MYO18A: variants seen among roughly 807,000 people sequenced by gnomAD.
MYO18A encodes the protein myosin XVIIIA.
MYO18A carries 78 observed loss-of-function variants against 235.8 expected under a neutral mutation model. The ratio of observed to expected loss-of-function variants is 0.33; its 90% CI spans 0.28 to 0.40. MYO18A has a LOEUF of 0.40. MYO18A is among the 10% of genes least tolerant of loss of function. The pLI is 1.00. For missense variants in MYO18A, 2,215 were observed against 2,699.3 expected, an observed-to-expected ratio of 0.82 and a Z score of 3.98; for synonymous variants, 977 against 1,077.8, an observed-to-expected ratio of 0.91 and a Z score of 1.83.
At chr17:29,163,826 C>T (rs2068223991) in intron 2 of MYO18A, among the ~76,000 whole-genome samples, 1 of 152,234 alleles carries the variant, frequency 6.6e-6, no homozygotes, top group Non-Finnish European at 1.5e-5. Flanking sequence ...AAGAAAATTC[C>T]ATCTGTTAAA....
chr17:29,120,535 C>T lies in MYO18A; in HGVS notation c.1728+81G>A. 6.6e-7 allele frequency: 1 copy of T among 1,510,954 alleles called. No individual in the cohort carries two copies. Among genetic ancestry groups the T allele is most frequent in the Non-Finnish European group, 8.9e-7 (1 of 1,120,202 alleles). The allele number at this position is 1,510,954 out of a possible 1,614,324, so 93.6% of individuals were successfully genotyped here. On this transcript the variant is annotated intron_variant, in intron 7 of 41. Transcript: ENST00000527372. This position sits in a 1 kb window ranked among gnomAD's most constrained non-coding sequence, Gnocchi z 4.2. ...AGGGTAGAATCCCAGGAAAATGAGG[C>T]ATGGGAGAGAGCCTGATGTCTAGGT...
chr17:29,111,847 C>G lies in MYO18A; in HGVS notation c.2615G>C (p.Arg872Pro). Residue 872 changes from arginine (R) to proline (P), a missense_variant, in exon 16 of 42, where the codon CGC (arginine) becomes CCC (proline). Transcript: ENST00000527372. The surrounding 1 kb of genome is among the most constrained non-coding windows in gnomAD (Gnocchi z 5.1). ...GAGCAGGCCCCTCGCCTCGTCTGTG[C>G]GGGCCAGCGAGCGGACCTACAGAGA... ...SHQSLVRSLA[R>P]TDEARGLLWL... 6.2e-7 allele frequency: 1 copy of G among 1,612,120 alleles called. No individual in the cohort carries two copies. The highest frequency in any genetic ancestry group is 8.5e-7 in the Non-Finnish European group (1 of 1,179,048).
chr17:29,167,453 TG>T (rs1169538602), intron 1 of MYO18A, among the ~76,000 whole-genome samples: 1 of 152,180 alleles, frequency 6.6e-6, no homozygotes. Context: ...GGCTCATGCC[TG>T]TAATCATAGC....
At chr17:29,108,406 G>A (rs543678274) in intron 19 of MYO18A, among the ~76,000 whole-genome samples, 2 of 152,292 alleles carry the variant, frequency 1.3e-5, no homozygotes, top group Admixed American at 6.5e-5. Flanking sequence ...AGCCCAGGGT[G>A]GAGGGCCACG....
chr17:29,116,481 GCATGCAAAGAAAAA>G (rs754943391), intron 10 of MYO18A, 26 bp from the exon 11 acceptor site: 37 of 1,613,846 alleles, frequency 2.3e-5, no homozygotes, highest in African/African-American at 1.3e-5. Flanking sequence ...CCAGCATGCA[GCATGCAAAGAAAAA>G]CAGTGTGTTA....
At position 29,085,512 on chromosome 17, in the gene MYO18A, C is replaced by T; in HGVS notation, c.5897+92G>A. 6.2e-6 allele frequency: 7 copies of T among 1,130,874 alleles called. No homozygotes were observed. The South Asian group carries it at 6.5e-5, about 10-fold the overall frequency. 70.1% of individuals were successfully genotyped at this position (1,130,874 alleles called of 1,614,324 possible). On this transcript the variant is annotated intron_variant, in intron 40 of 41. Transcript: ENST00000527372. ...AGTGTGGGGAGGCTGTATCCACATG[C>T]TGCGTGCAGCGGCCCCAGGGTGGGA...
intron 1 of MYO18A, among the ~76,000 whole-genome samples, chr17:29,167,925 C>T (rs926061731): frequency 1.3e-5 from 2 of 152,302 alleles, no homozygotes; most frequent in African/African-American, 4.8e-5. Flanking sequence ...ATGCCAGGCA[C>T]TTTACATGCA....
At chr17:29,116,052 G>A (rs1462244965) in intron 11 of MYO18A, among the ~76,000 whole-genome samples, 1 of 152,212 alleles carries the variant, frequency 6.6e-6, no homozygotes, top group Non-Finnish European at 1.5e-5. Flanking sequence ...CCTAAAGGAG[G>A]AGGTAACTCC....
chr17:29,121,341 C>A lies in MYO18A; in HGVS notation c.1372-130G>T. ...GTGCCCAGGGATTCCAAGGCCAAGG[C>A]CATGCATGGAAATGAAGACACTAAG... On this transcript the variant is annotated intron_variant, in intron 5 of 41. Coordinates refer to ENST00000527372, the MANE Select transcript of MYO18A (RefSeq NM_078471.4). The surrounding 1 kb of genome is among the most constrained non-coding windows in gnomAD (Gnocchi z 4.2). The A allele has an allele frequency of 8.6e-7, 1 of 1,158,738 alleles. No homozygotes were observed. The allele number at this position is 1,158,738 out of a possible 1,614,324, so 71.8% of individuals were successfully genotyped here.
chr17:29,168,439 C>T (rs1438485976), intron 1 of MYO18A, among the ~76,000 whole-genome samples: 2 of 150,732 alleles, frequency 1.3e-5, no homozygotes, highest in East Asian at 1.9e-4. Flanking sequence ...AAGAAATAGG[C>T]CATGCCACCT....
chr17:29,089,418 T>G (rs1409943634), intron 37 of MYO18A, among the ~76,000 whole-genome samples: 1 of 5,438 alleles, frequency 1.8e-4, no homozygotes, highest in Non-Finnish European at 3.0e-4. Flanking sequence ...AGACTCTGTC[T>G]CAAAAAAAAA....
chr17:29,073,529 A>C lies in MYO18A; in HGVS notation c.*1241T>G. On this transcript the variant is annotated 3_prime_UTR_variant, in exon 42 of 42. Coordinates refer to ENST00000527372, the MANE Select transcript of MYO18A (RefSeq NM_078471.4). ...AGGAAAACTGGCGCAGCCAGGAGGAAAAGGGCCTTTATTTCCATACATCGG... is the reference window on the plus strand; with the variant it reads ...AGGAAAACTGGCGCAGCCAGGAGGACAAGGGCCTTTATTTCCATACATCGG... The C allele has an allele frequency of 4.5e-6, 1 of 221,882 alleles. No homozygotes were observed. The highest frequency in any genetic ancestry group is 8.9e-6 in the Non-Finnish European group (1 of 112,902). The allele number at this position is 221,882 out of a possible 1,614,324, so 13.7% of individuals were successfully genotyped here.
intron 2 of MYO18A, chr17:29,133,839 C>T (rs1214386021): frequency 2.3e-6 from 3 of 1,289,210 alleles, no homozygotes; most frequent in Admixed American, 2.3e-5. Context: ...AAGGCCATGG[C>T]GCTGAAGGTA....
intron 2 of MYO18A, among the ~76,000 whole-genome samples, chr17:29,122,661 C>T (rs2067229104): frequency 6.6e-6 from 1 of 152,262 alleles, no homozygotes; most frequent in Non-Finnish European, 1.5e-5. Flanking sequence ...ACCCTAGCCA[C>T]AGCTACTAGG....
intron 38 of MYO18A, 179 bp from the exon 39 acceptor site, chr17:29,086,756 G>A: frequency 6.3e-6 from 7 of 1,114,576 alleles, no homozygotes; most frequent in Non-Finnish European, 8.7e-6. Context: ...TCATCTGAGG[G>A]AGTCTCCAGT....
intron 2 of MYO18A, among the ~76,000 whole-genome samples, chr17:29,123,652 G>A (rs1471277081): frequency 1.3e-5 from 2 of 152,214 alleles, no homozygotes; most frequent in Non-Finnish European, 2.9e-5. Context: ...ATGGACCCAT[G>A]AAATAACTCT....
At chr17:29,130,310 A>G (rs2043852849) in intron 2 of MYO18A, among the ~76,000 whole-genome samples, 1 of 150,952 alleles carries the variant, frequency 6.6e-6, no homozygotes, top group African/African-American at 2.4e-5. Flanking sequence ...AAAAAAAAAA[A>G]AAAAAAAAAA....
chr17:29,150,201 G>A (rs2067938051), intron 2 of MYO18A, among the ~76,000 whole-genome samples: 1 of 152,180 alleles, frequency 6.6e-6, no homozygotes, highest in Non-Finnish European at 1.5e-5. Context: ...AGCCCCTATT[G>A]GGCCTGTTTC....
intron 2 of MYO18A, among the ~76,000 whole-genome samples, chr17:29,151,406 G>A (rs1416662772): frequency 2.0e-5 from 3 of 152,138 alleles, no homozygotes; most frequent in African/African-American, 7.2e-5. Flanking sequence ...AGTGTGTCCT[G>A]GTCCCTCTAC....
Sources: gnomAD v4.1 joint callset for allele counts (sites outside exome capture counted in the v4.1 genomes callset) on GRCh38, gnomAD v4.1.1 for gene constraint, Gnocchi (gnomAD v3.1) non-coding constraint, MANE v1.5 for transcripts, NCBI Gene and HGNC (gene_info 2026-07-23, HGNC 2026-07-21) for gene names.